The following SLC24A4 variants were observed in gnomAD, a reference collection of about 807,000 sequenced individuals.
SLC24A4 encodes solute carrier family 24 member 4, also known as sodium/potassium/calcium exchanger 4.
Under a neutral mutation model 79.0 loss-of-function variants are expected in SLC24A4, and 53 were observed. The observed-to-expected ratio is 0.67, with a 90% CI of 0.54 to 0.84. SLC24A4 has a LOEUF of 0.84. SLC24A4 is among the 40% of genes least tolerant of loss of function. The pLI, the probability that SLC24A4 is intolerant of heterozygous loss-of-function variation, is 0.00. For synonymous variants in SLC24A4, 323 were observed against 323.8 expected, an observed-to-expected ratio of 1.00 and a Z score of 0.03; for missense variants, 731 against 822.0, an observed-to-expected ratio of 0.89 and a Z score of 1.35.
At position 92,495,440 on chromosome 14, in the gene SLC24A4, G is replaced by T. The variant is rs1895891123; in HGVS notation, c.*1812G>T. ...TGGTCTTCAACTTGAGGACGAGGGT[G>T]ATTTTCCTAAGAAATCAGCAAAGAG... On this transcript the variant is annotated 3_prime_UTR_variant, in exon 17 of 17. Transcript: ENST00000532405. 6.6e-6 allele frequency: 1 copy of T among 152,100 alleles called. No individual in the cohort carries two copies. Among genetic ancestry groups the T allele is most frequent in the Admixed American group, 6.6e-5 (1 of 15,262 alleles). 9.4% of individuals were successfully genotyped at this position (152,100 alleles called of 1,614,324 possible).
chr14:92,422,323 T>C (rs1293360067), intron 2 of SLC24A4, among the ~76,000 whole-genome samples: 1 of 152,226 alleles, frequency 6.6e-6, no homozygotes, highest in Non-Finnish European at 1.5e-5. Context: ...CACATATGAC[T>C]TTCACCCTGA....
chr14:92,368,709 G>A (rs2141681872), intron 2 of SLC24A4, among the ~76,000 whole-genome samples: 1 of 152,304 alleles, frequency 6.6e-6, no homozygotes, highest in South Asian at 2.1e-4. Flanking sequence ...CAGGGGCTCT[G>A]AGGGTGGGGC....
At chr14:92,436,581 A>G (rs1020360342) in intron 3 of SLC24A4, among the ~76,000 whole-genome samples, 1 of 152,200 alleles carries the variant, frequency 6.6e-6, no homozygotes, top group Non-Finnish European at 1.5e-5. Context: ...TTACAGAAAA[A>G]ATTTGCTGAC....
At chr14:92,342,021 G>A (rs1886171782) in intron 2 of SLC24A4, among the ~76,000 whole-genome samples, 1 of 152,186 alleles carries the variant, frequency 6.6e-6, no homozygotes, top group Non-Finnish European at 1.5e-5. Context: ...ATATGTGTAG[G>A]AGGAAGAAAG....
intron 14 of SLC24A4, among the ~76,000 whole-genome samples, chr14:92,491,351 AT>A (rs1263552617): frequency 2.0e-5 from 3 of 152,164 alleles, no homozygotes; most frequent in Non-Finnish European, 4.4e-5. Flanking sequence ...GTCATATTGG[AT>A]TAAGACCCTA....
intron 2 of SLC24A4, among the ~76,000 whole-genome samples, chr14:92,362,474 G>A (rs575384160): frequency 6.6e-6 from 1 of 152,240 alleles, no homozygotes; most frequent in South Asian, 2.1e-4. Context: ...TGGACCGGTT[G>A]GGCAGGTGTG....
intron 10 of SLC24A4, chr14:92,452,264 T>G (rs1893183819): frequency 6.6e-6 from 1 of 152,266 alleles, no homozygotes; most frequent in Non-Finnish European, 1.5e-5. Flanking sequence ...ATGGGGTTGG[T>G]TCTGTAGGAT....
intron 2 of SLC24A4, among the ~76,000 whole-genome samples, chr14:92,342,352 CT>C (rs1256709744): frequency 1.7e-4 from 23 of 131,834 alleles, no homozygotes; most frequent in Admixed American, 6.2e-4. Context: ...CCAGATTCTT[CT>C]TTTTTTCCCC....
At chr14:92,406,799 T>TGG (rs80290538) in intron 2 of SLC24A4, among the ~76,000 whole-genome samples, 31,412 of 151,884 alleles carry the variant, frequency 0.21, 3,370 homozygotes, top group Non-Finnish European at 0.23. Flanking sequence ...AGGCTTGTGA[T>TGG]GGGGGGGTCT....
intron 16 of SLC24A4, 140 bp downstream of exon 16, chr14:92,492,380 A>G (rs1007832941): frequency 2.6e-6 from 2 of 774,068 alleles, no homozygotes; most frequent in Non-Finnish European, 2.1e-6. Flanking sequence ...GTAGACGTTC[A>G]TAGACACACC....
In SLC24A4 at chr14:92,501,452, G is replaced by A. The variant is rs1896157260; in HGVS notation, c.*7824G>A. 1 of 152,140 alleles carries A rather than the reference G, an allele frequency of 6.6e-6. No individual in the cohort carries two copies. The highest frequency in any genetic ancestry group is 1.5e-5 in the Non-Finnish European group (1 of 68,030). The allele number at this position is 152,140 out of a possible 1,614,324, so 9.4% of individuals were successfully genotyped here. A position where few individuals can be genotyped will look rare whatever the true frequency, so the allele number is the denominator to read the frequency against. On this transcript the variant is annotated 3_prime_UTR_variant, in exon 17 of 17. Coordinates refer to ENST00000532405, the MANE Select transcript of SLC24A4 (RefSeq NM_153646.4). ...ATTGTAATGCAATATATCAAAATCT[G>A]TACACTGTCAATAAAATAAATGAGC... is the stretch of plus-strand genomic sequence containing the variant.
Position 92,442,599 on chromosome 14 carries a change from G to A in SLC24A4, c.479-114G>A, listed in dbSNP as rs1018010326. 9 of 709,228 alleles carry A rather than the reference G, an allele frequency of 1.3e-5. No homozygotes were observed. In the East Asian group the frequency reaches 1.6e-4, roughly 12 times the overall value. 43.9% of individuals were successfully genotyped at this position (709,228 alleles called of 1,614,324 possible). A position where few individuals can be genotyped will look rare whatever the true frequency, so the allele number is the denominator to read the frequency against. On this transcript the variant is annotated intron_variant, in intron 5 of 16. Coordinates refer to ENST00000532405, the MANE Select transcript of SLC24A4 (RefSeq NM_153646.4). Reference sequence around the variant, plus strand: ...CTTCTGCCATTCTCTTCCGCTTCACGGGTGCTCTGTTTGTTAGTAAAGCAA... The same window carrying A: ...CTTCTGCCATTCTCTTCCGCTTCACAGGTGCTCTGTTTGTTAGTAAAGCAA...
intron 12 of SLC24A4, among the ~76,000 whole-genome samples, chr14:92,475,008 C>A (rs1270145154): frequency 6.6e-6 from 1 of 150,964 alleles, no homozygotes; most frequent in Non-Finnish European, 1.5e-5. Context: ...TATATTTGAA[C>A]CTGTGTCTTT....
chr14:92,349,229 G>A (rs1392173762), intron 2 of SLC24A4, among the ~76,000 whole-genome samples: 1 of 151,296 alleles, frequency 6.6e-6, no homozygotes, highest in Non-Finnish European at 1.5e-5. Context: ...GCGCGATCTC[G>A]GCTCACTGCA....
At chr14:92,447,547 C>G in intron 9 of SLC24A4, 123 bp downstream of exon 9, 2 of 899,280 alleles carry the variant, frequency 2.2e-6, no homozygotes, top group African/African-American at 1.6e-5. Flanking sequence ...AGCCCCAGCT[C>G]TCTGGTAGAC....
chr14:92,450,515 C>G (rs969801791), intron 10 of SLC24A4: 3 of 152,448 alleles, frequency 2.0e-5, no homozygotes, highest in Non-Finnish European at 4.4e-5. Context: ...ATTCGTGTGT[C>G]GTGTTTCATA....
chr14:92,466,925 A>C (rs978689778), intron 12 of SLC24A4, among the ~76,000 whole-genome samples: 1 of 152,232 alleles, frequency 6.6e-6, no homozygotes, highest in Non-Finnish European at 1.5e-5. Flanking sequence ...ATACTCCCCA[A>C]TGCTCATATG....
chr14:92,482,663 G>A lies in SLC24A4; in HGVS notation c.1256-17G>A. 2.5e-6 allele frequency: 4 copies of A among 1,597,232 alleles called. No homozygotes were observed. The highest frequency in any genetic ancestry group is 2.3e-5 in the East Asian group (1 of 43,884). ...TTCTCTCCCCCTCCTTTCTCACTCT[G>A]CCCCTTCACCCTGCAGAGGCCAGAG... On this transcript the variant is annotated splice_polypyrimidine_tract_variant and intron_variant, in intron 12 of 16. Transcript: ENST00000532405.
At chr14:92,404,450 T>C (rs1388694295) in intron 2 of SLC24A4, among the ~76,000 whole-genome samples, 2 of 151,816 alleles carry the variant, frequency 1.3e-5, no homozygotes, top group African/African-American at 4.8e-5. Flanking sequence ...CCTGCCTCCC[T>C]GAGCCCCCAG....
Sources: gnomAD v4.1 joint callset for allele counts (sites outside exome capture counted in the v4.1 genomes callset) on GRCh38, gnomAD v4.1.1 for gene constraint, MANE v1.5 for transcripts, NCBI Gene and HGNC (gene_info 2026-07-23, HGNC 2026-07-21) for gene names.